The following SYT1 variants were observed in gnomAD, a reference collection of about 807,000 sequenced individuals.
SYT1 encodes the protein synaptotagmin-1.
Under a neutral mutation model 44.8 loss-of-function variants are expected in SYT1, and 8 were observed. The ratio of observed to expected loss-of-function variants is 0.18; its 90% CI spans 0.10 to 0.32. SYT1 has a LOEUF of 0.32. SYT1 is among the 10% of genes least tolerant of loss of function. SYT1 has a pLI of 1.00. For missense variants in SYT1, 286 were observed against 509.3 expected, an observed-to-expected ratio of 0.56 and a Z score of 4.22; for synonymous variants, 154 against 188.8, an observed-to-expected ratio of 0.82 and a Z score of 1.51.
intron 3 of SYT1, among the ~76,000 whole-genome samples, chr12:79,206,830 C>T (rs1488864808): frequency 1.3e-5 from 2 of 152,192 alleles, no homozygotes; most frequent in Non-Finnish European, 2.9e-5. Flanking sequence ...AGATCATCAT[C>T]AAGTGGGATA....
intron 1 of SYT1, among the ~76,000 whole-genome samples, chr12:78,968,904 T>A (rs1436624785): frequency 6.6e-6 from 1 of 152,168 alleles, no homozygotes; most frequent in Non-Finnish European, 1.5e-5. Flanking sequence ...GTGCCTGCCC[T>A]CATGCATTGT....
rs191534515 is a variant in SYT1, at chr12:79,078,520, C to T, written c.-18+31158C>T. On this transcript the variant is annotated intron_variant, in intron 3 of 10. Transcript: ENST00000261205. ...TCCATTATTTTTTTTCTAATACTAA[C>T]AACCTCCTTGTTTTTTTCTTCAACT... is the stretch of plus-strand genomic sequence containing the variant. Among the ~76,000 whole-genome samples the T allele has an allele frequency of 4.7e-4, 72 of 152,076 alleles. No individual in the cohort carries two copies. In the Middle Eastern group the frequency reaches 0.017, roughly 36 times the overall value.
At chr12:79,186,778 A>G (rs542573567) in intron 3 of SYT1, among the ~76,000 whole-genome samples, 1 of 152,126 alleles carries the variant, frequency 6.6e-6, no homozygotes, top group South Asian at 2.1e-4. Flanking sequence ...AAGGCCTAAG[A>G]TTTATTTTCC....
At chr12:79,026,700 T>TAA (rs1235137645) in intron 2 of SYT1, among the ~76,000 whole-genome samples, 25 of 116,756 alleles carry the variant, frequency 2.1e-4, no homozygotes, top group African/African-American at 7.3e-4. Flanking sequence ...TATATATATA[T>TAA]ATCACACTTT....
At chr12:79,445,519 C>A (rs1870659206) in intron 10 of SYT1, among the ~76,000 whole-genome samples, 1 of 151,714 alleles carries the variant, frequency 6.6e-6, no homozygotes, top group Admixed American at 6.6e-5. Context: ...ATCAACTTTT[C>A]TTTAGCTTCC....
intron 3 of SYT1, among the ~76,000 whole-genome samples, chr12:79,162,644 A>G (rs2138313523): frequency 6.6e-6 from 1 of 152,216 alleles, no homozygotes; most frequent in Non-Finnish European, 1.5e-5. Context: ...TTTAGCATTT[A>G]CAACATTTTA....
chr12:79,064,968 GAAA>G (rs1875699181), intron 3 of SYT1, among the ~76,000 whole-genome samples: 1 of 149,540 alleles, frequency 6.7e-6, no homozygotes, highest in African/African-American at 2.5e-5. Context: ...AAGAAAGAAA[GAAA>G]GAAAGAAAGA....
At chr12:79,319,227 G>A (rs1211187892) in intron 8 of SYT1, among the ~76,000 whole-genome samples, 3 of 152,092 alleles carry the variant, frequency 2.0e-5, no homozygotes, top group African/African-American at 7.2e-5. Flanking sequence ...GGAAAATCAC[G>A]TATAGTGCAA....
At chr12:79,284,673 TA>T (rs1879217856) in intron 4 of SYT1, among the ~76,000 whole-genome samples, 1 of 151,268 alleles carries the variant, frequency 6.6e-6, no homozygotes, top group African/African-American at 2.4e-5. Context: ...CCGTATCTAC[TA>T]AAAAAAATAT....
At chr12:79,438,631 G>T (rs1870227737) in intron 9 of SYT1, among the ~76,000 whole-genome samples, 1 of 152,152 alleles carries the variant, frequency 6.6e-6, no homozygotes, top group Admixed American at 6.5e-5. Flanking sequence ...GTTGCTCATA[G>T]ACTGGAGCTG....
chr12:79,019,856 G>A lies in SYT1; in HGVS notation c.-83-27441G>A, dbSNP rs544612961. Among the ~76,000 whole-genome samples, 93 of 151,496 alleles carry A rather than the reference G, an allele frequency of 6.1e-4. 1 individual carries two copies. The highest frequency in any genetic ancestry group is 2.1e-3 in the African/African-American group (88 of 41,146). On this transcript the variant is annotated intron_variant, in intron 2 of 10. Transcript: ENST00000261205. Reference sequence around the variant, plus strand: ...ATTTTCATAACCCATTTAACAAGTAGATGTTTCCTGTGATGCAAAAATACA... The same window carrying A: ...ATTTTCATAACCCATTTAACAAGTAAATGTTTCCTGTGATGCAAAAATACA...
At chr12:78,978,396 A>C (rs939638924) in intron 2 of SYT1, among the ~76,000 whole-genome samples, 1 of 152,202 alleles carries the variant, frequency 6.6e-6, no homozygotes, top group Non-Finnish European at 1.5e-5. Flanking sequence ...AATTTGTCTC[A>C]GACTGATGTT....
At chr12:79,218,516 C>T (rs1341473491) in intron 4 of SYT1, among the ~76,000 whole-genome samples, 1 of 152,116 alleles carries the variant, frequency 6.6e-6, no homozygotes, top group Non-Finnish European at 1.5e-5. Context: ...CCAACATCTC[C>T]CCAATTGCCA....
chr12:78,870,849 A>T (rs1484734948), intron 1 of SYT1, among the ~76,000 whole-genome samples: 1 of 152,000 alleles, frequency 6.6e-6, no homozygotes, highest in African/African-American at 2.4e-5. Context: ...TCCTTGACAT[A>T]TTTTTTCATC....
At chr12:79,385,025 C>T (rs1884380388) in intron 9 of SYT1, among the ~76,000 whole-genome samples, 1 of 128,440 alleles carries the variant, frequency 7.8e-6, no homozygotes, top group Non-Finnish European at 1.6e-5. Flanking sequence ...CTCACTCTGT[C>T]ACCCAGGCTG....
chr12:79,446,794 C>G (rs1870760343), intron 10 of SYT1, among the ~76,000 whole-genome samples: 1 of 152,258 alleles, frequency 6.6e-6, no homozygotes, highest in East Asian at 1.9e-4. Flanking sequence ...ACTCACAAAC[C>G]CTCAAGACAT....
At chr12:79,443,762 G>T (rs953862102) in intron 9 of SYT1, among the ~76,000 whole-genome samples, 74 of 152,188 alleles carry the variant, frequency 4.9e-4, no homozygotes, top group Non-Finnish European at 3.4e-4. Flanking sequence ...ATTGGCCTTG[G>T]TTGGGGTATA....
intron 1 of SYT1, among the ~76,000 whole-genome samples, chr12:78,894,449 G>A (rs1216720089): frequency 7.5e-6 from 1 of 132,452 alleles, no homozygotes; most frequent in South Asian, 2.4e-4. Context: ...TGACTTTCTA[G>A]CTGTGTAACA....
At chr12:79,110,769 G>A (rs867253990) in intron 3 of SYT1, among the ~76,000 whole-genome samples, 18 of 152,136 alleles carry the variant, frequency 1.2e-4, no homozygotes, top group Non-Finnish European at 1.6e-4. Context: ...AAGATGTACC[G>A]ATGATTGGTT....
Sources: allele counts gnomAD v4.1 joint callset (sites outside exome capture counted in the v4.1 genomes callset), GRCh38; gene constraint gnomAD v4.1.1; transcripts MANE v1.5; gene names NCBI Gene and HGNC (gene_info 2026-07-23, HGNC 2026-07-21).